The following ZSWIM5 variants were observed in gnomAD, a reference collection of about 807,000 sequenced individuals.
ZSWIM5 encodes the protein zinc finger SWIM-type containing 5.
Under a neutral mutation model 119.6 loss-of-function variants are expected in ZSWIM5, and 55 were observed. The ratio of observed to expected loss-of-function variants is 0.46; its 90% CI spans 0.37 to 0.58. The LOEUF (loss-of-function observed/expected upper bound fraction) is 0.58, where lower values mean the gene tolerates loss of function less well. Among genes scored for constraint, ZSWIM5 ranks in the 20% least tolerant of loss-of-function variants. ZSWIM5 has a pLI of 0.00. For missense variants in ZSWIM5, 1,193 were observed against 1,512.8 expected (o/e 0.79, Z 3.51); for synonymous variants, 537 against 606.9 (o/e 0.88, Z 1.69).
At chr1:45,020,274 T>G in intron 12 of ZSWIM5, 127 bp from the exon 13 acceptor site, 1 of 757,424 alleles carries the variant, frequency 1.3e-6, no homozygotes, top group Non-Finnish European at 2.2e-6. Context: ...CTGATAAACA[T>G]AAAATACAGT....
intron 1 of ZSWIM5, among the ~76,000 whole-genome samples, chr1:45,159,432 TCTTA>T (rs922216601): frequency 4.6e-5 from 7 of 152,256 alleles, no homozygotes; most frequent in East Asian, 3.8e-4. Context: ...TTTATAAACC[TCTTA>T]CTTAACACAG....
At chr1:45,068,561 C>A (rs1319642296) in intron 2 of ZSWIM5, among the ~76,000 whole-genome samples, 1 of 151,770 alleles carries the variant, frequency 6.6e-6, no homozygotes, top group Non-Finnish European at 1.5e-5. Context: ...TTTTCTCTAC[C>A]TCAAGGACAT....
intron 1 of ZSWIM5, among the ~76,000 whole-genome samples, chr1:45,096,120 T>C (rs778917442): frequency 5.9e-5 from 9 of 152,210 alleles, no homozygotes; most frequent in Non-Finnish European, 4.4e-5. Context: ...TTATCAAATA[T>C]TCAAGTGCCC....
intron 1 of ZSWIM5, among the ~76,000 whole-genome samples, chr1:45,204,645 G>A (rs778003333): frequency 1.4e-4 from 21 of 152,126 alleles, no homozygotes; most frequent in Non-Finnish European, 2.8e-4. Context: ...GGTTTTACCT[G>A]GAGAGCTAGA....
intron 1 of ZSWIM5, among the ~76,000 whole-genome samples, chr1:45,130,400 CA>C (rs1192837678): frequency 6.7e-6 from 1 of 150,196 alleles, no homozygotes; most frequent in African/African-American, 2.4e-5. Context: ...ACACAAAACC[CA>C]AAAACCAAAC....
chr1:45,104,985 G>A (rs1015901439), intron 1 of ZSWIM5, among the ~76,000 whole-genome samples: 2 of 152,076 alleles, frequency 1.3e-5, no homozygotes, highest in African/African-American at 2.4e-5. Context: ...CCCCTACAAG[G>A]AAATTAGATG....
chr1:45,126,959 C>G (rs1645625592), intron 1 of ZSWIM5, among the ~76,000 whole-genome samples: 1 of 152,156 alleles, frequency 6.6e-6, no homozygotes, highest in Non-Finnish European at 1.5e-5. Flanking sequence ...CCACCTCGTT[C>G]TCCCGAGTAG....
At chr1:45,046,634 A>ATGTGTGTGTG (rs60762459) in intron 5 of ZSWIM5, among the ~76,000 whole-genome samples, 2,390 of 147,474 alleles carry the variant, frequency 0.016, 53 homozygotes, top group African/African-American at 0.052. Context: ...TGGGCAAGAT[A>ATGTGTGTGTG]TGTGTGTGTG....
chr1:45,067,078 G>A (rs370931577), intron 2 of ZSWIM5, among the ~76,000 whole-genome samples: 3 of 152,070 alleles, frequency 2.0e-5, no homozygotes, highest in African/African-American at 7.2e-5. Flanking sequence ...GTTGATCTTG[G>A]GATGCCTTTA....
At chr1:45,110,846 AC>A (rs1173449201) in intron 1 of ZSWIM5, among the ~76,000 whole-genome samples, 1 of 152,136 alleles carries the variant, frequency 6.6e-6, no homozygotes, top group African/African-American at 2.4e-5. Context: ...TAATTTCTGT[AC>A]CCTGATGGAG....
At chr1:45,093,549 G>C (rs1645380152) in intron 1 of ZSWIM5, among the ~76,000 whole-genome samples, 1 of 152,214 alleles carries the variant, frequency 6.6e-6, no homozygotes, top group Admixed American at 6.5e-5. Flanking sequence ...CACTGGTATA[G>C]CTCATGCTTC....
intron 1 of ZSWIM5, among the ~76,000 whole-genome samples, chr1:45,147,892 TA>T (rs1415160682): frequency 3.3e-5 from 5 of 150,456 alleles, no homozygotes; most frequent in African/African-American, 1.2e-4. Context: ...AAAATTGCAA[TA>T]AAAAAAATAA....
Position 45,043,456 on chromosome 1 carries a change from G to A in ZSWIM5, c.1433-61C>T. ...GGCAATTTGAAGTTTTAAGCCCTGG[G>A]TCTTCTTCAGGGTGGGAGGTTGGCT... On this transcript the variant is annotated intron_variant, in intron 5 of 13. Transcript: ENST00000359600. 4 of 1,547,884 alleles carry A rather than the reference G, an allele frequency of 2.6e-6. No individual in the cohort carries two copies. In the South Asian group the frequency reaches 3.4e-5, roughly 13 times the overall value.
chr1:45,140,641 G>A (rs1645720802), intron 1 of ZSWIM5, among the ~76,000 whole-genome samples: 1 of 152,096 alleles, frequency 6.6e-6, no homozygotes, highest in South Asian at 2.1e-4. Context: ...TATTACATTG[G>A]ATAAAAAAGC....
chr1:45,039,740 T>C (rs1454401711), intron 7 of ZSWIM5, among the ~76,000 whole-genome samples: 1 of 151,820 alleles, frequency 6.6e-6, no homozygotes, highest in Admixed American at 6.6e-5. Context: ...GCTCTGCTCT[T>C]GTTGCCCAGG....
chr1:45,168,664 CAAA>C (rs1024002696), intron 1 of ZSWIM5, among the ~76,000 whole-genome samples: 1 of 39,224 alleles, frequency 2.5e-5, no homozygotes, highest in Non-Finnish European at 5.6e-5. Flanking sequence ...GACTCCATCT[CAAA>C]AAAAAAAAAA....
intron 2 of ZSWIM5, among the ~76,000 whole-genome samples, chr1:45,067,687 C>A (rs574213027): frequency 6.6e-6 from 1 of 152,322 alleles, no homozygotes; most frequent in South Asian, 2.1e-4. Context: ...AGTTCACAAA[C>A]TGGCTTCTTC....
chr1:45,086,985 G>T (rs1645334582), intron 2 of ZSWIM5, among the ~76,000 whole-genome samples: 1 of 149,768 alleles, frequency 6.7e-6, no homozygotes, highest in Admixed American at 6.7e-5. Flanking sequence ...CCAGGTTCAA[G>T]CAATTCTCCC....
intron 1 of ZSWIM5, among the ~76,000 whole-genome samples, chr1:45,154,449 G>T (rs1416654488): frequency 6.6e-6 from 1 of 152,100 alleles, no homozygotes; most frequent in Non-Finnish European, 1.5e-5. Context: ...AATACTTACA[G>T]CCAACTAATC....
Sources: allele counts gnomAD v4.1 joint callset (sites outside exome capture counted in the v4.1 genomes callset), GRCh38; gene constraint gnomAD v4.1.1; transcripts MANE v1.5; gene names NCBI Gene and HGNC (gene_info 2026-07-23, HGNC 2026-07-21).